The following CLEC16A variants were observed in gnomAD, a reference collection of about 807,000 sequenced individuals.
CLEC16A encodes the protein C-type lectin domain containing 16A.
A neutral mutation model predicts 109.5 loss-of-function variants in CLEC16A; 51 were observed. The ratio of observed to expected loss-of-function variants is 0.47; its 90% CI spans 0.37 to 0.59. CLEC16A has a LOEUF of 0.59. CLEC16A is among the 20% of genes least tolerant of loss of function. The probability of loss-of-function intolerance (pLI) is 0.00; values close to 1 mark genes in which losing one functional copy is unlikely to be tolerated. For synonymous variants in CLEC16A, 673 were observed against 564.2 expected (o/e 1.19, Z -2.73); for missense variants, 1,339 against 1,394.0 (o/e 0.96, Z 0.63).
intron 15 of CLEC16A, 80 bp downstream of exon 15, chr16:11,042,443 A>AT (rs2047390260): frequency 8.7e-7 from 1 of 1,146,406 alleles, no homozygotes; most frequent in Non-Finnish European, 1.3e-6. Flanking sequence ...TGGCATCCAG[A>AT]TAGGAGCCCT....
rs544817130 is a variant in CLEC16A, at chr16:11,174,307, G to A, written c.2807-4028G>A. 5.1e-4 allele frequency: 225 copies of A among 441,776 alleles called. 2 individuals are homozygous for A. Among genetic ancestry groups the A allele is most frequent in the African/African-American group, 3.8e-3 (189 of 49,810 alleles). The allele number at this position is 441,776 out of a possible 1,614,324, so 27.4% of individuals were successfully genotyped here. Reference sequence around the variant, plus strand: ...GTCTCCCCTGTGAGCCGCTCGGGCCGCGACGTCCACTCGCCACGCTGCATT... The same window carrying A: ...GTCTCCCCTGTGAGCCGCTCGGGCCACGACGTCCACTCGCCACGCTGCATT... On this transcript the variant is annotated intron_variant, in intron 23 of 23. Coordinates refer to ENST00000409790, the MANE Select transcript of CLEC16A (RefSeq NM_015226.3). This position sits in a 1 kb window ranked among gnomAD's most constrained non-coding sequence, Gnocchi z 4.7.
intron 15 of CLEC16A, among the ~76,000 whole-genome samples, chr16:11,043,757 C>T (rs549232965): frequency 1.3e-4 from 19 of 151,970 alleles, no homozygotes; most frequent in Non-Finnish European, 1.9e-4. Context: ...ACCAGCTACT[C>T]GGGAGGTTGA....
chr16:11,131,661 G>A (rs754801288), intron 22 of CLEC16A, among the ~76,000 whole-genome samples: 14 of 152,242 alleles, frequency 9.2e-5, no homozygotes, highest in South Asian at 4.1e-4. Context: ...ACCATCAACC[G>A]CTCCCCACCA....
chr16:11,089,293 G>C (rs187295009), intron 19 of CLEC16A, among the ~76,000 whole-genome samples: 3 of 152,142 alleles, frequency 2.0e-5, no homozygotes, highest in African/African-American at 7.2e-5. Flanking sequence ...GTTTTCCTGC[G>C]TCGGGACATC....
At chr16:11,026,265 T>C (rs1056704616) in intron 13 of CLEC16A, among the ~76,000 whole-genome samples, 2 of 152,212 alleles carry the variant, frequency 1.3e-5, no homozygotes, top group Admixed American at 1.3e-4. Context: ...AAATATTCCT[T>C]AAACCAGTGA....
rs375812913 is a variant in CLEC16A at position 11,126,087 on chromosome 16, G to A, written c.2582G>A (p.Arg861Gln). The change falls in exon 22 of 24, where the codon CGG becomes CAG. Residue 861 changes from arginine to glutamine, a missense_variant. Arg to Gln is a conservative substitution (Grantham distance 43, BLOSUM62 1). Transcript: ENST00000409790. ...TTCCGCTTCTACGACCAGGGGCGCC[G>A]GGGCAGCAGCGACCCCACAGTGCAG... ...LPFRFYDQGR[R>Q]GSSDPTVQRS... The A allele has an allele frequency of 1.0e-4, 164 of 1,613,864 alleles. No homozygotes were observed. The highest frequency in any genetic ancestry group is 1.6e-4 in the Middle Eastern group (1 of 6,062).
Position 11,063,616 on chromosome 16 carries a change from A to C in CLEC16A, c.2116+2594A>C, listed in dbSNP as rs72770097. 3.5e-3 allele frequency among the ~76,000 whole-genome samples: 534 copies of C among 152,184 alleles called. 3 individuals are homozygous for C. The highest frequency in any genetic ancestry group is 5.9e-3 in the Non-Finnish European group (399 of 67,984). On this transcript the variant is annotated intron_variant, in intron 19 of 23. Coordinates refer to ENST00000409790, the MANE Select transcript of CLEC16A (RefSeq NM_015226.3). ...TAAAGTGTATTCACTGCCCCTTGTCACACTTCAGTAAGAAACAACAGCGTA... is the reference window on the plus strand; with the variant it reads ...TAAAGTGTATTCACTGCCCCTTGTCCCACTTCAGTAAGAAACAACAGCGTA...
At chr16:11,048,850 CT>C (rs2047775506) in intron 17 of CLEC16A, among the ~76,000 whole-genome samples, 2 of 151,950 alleles carry the variant, frequency 1.3e-5, no homozygotes, top group African/African-American at 2.4e-5. Context: ...AGACATCCCC[CT>C]GCAATGTCAT....
chr16:11,010,538 T>C (rs111979546), intron 11 of CLEC16A, among the ~76,000 whole-genome samples: 1 of 152,176 alleles, frequency 6.6e-6, no homozygotes, highest in East Asian at 1.9e-4. Context: ...ACTTTCCTAT[T>C]GTATTTTCTC....
In CLEC16A at chr16:11,087,163, CCATT is replaced by C. The variant is rs1411312930; in HGVS notation, c.2116+26144_2116+26147del. ...ATAGAGGTTGAGATAAAATTAGAAACCATTCACGTAGGTGCCATCTAAAACCATC... is the reference window on the plus strand; with the variant it reads ...ATAGAGGTTGAGATAAAATTAGAAACCACGTAGGTGCCATCTAAAACCATC... On this transcript the variant is annotated intron_variant, in intron 19 of 23. Coordinates refer to ENST00000409790, the MANE Select transcript of CLEC16A (RefSeq NM_015226.3). Among the ~76,000 whole-genome samples, 17 of 152,326 alleles carry C rather than the reference CCATT, an allele frequency of 1.1e-4. No homozygotes were observed. The South Asian group carries it at 2.1e-3, about 19-fold the overall frequency.
At chr16:11,150,318 C>G (rs536567013) in intron 22 of CLEC16A, 1 of 152,226 alleles carries the variant, frequency 6.6e-6, no homozygotes, top group African/African-American at 2.4e-5. Context: ...TTCTGTATAC[C>G]CTGCTGCACC....
At chr16:11,016,881 A>T (rs749738618) in intron 11 of CLEC16A, among the ~76,000 whole-genome samples, 18 of 151,964 alleles carry the variant, frequency 1.2e-4, no homozygotes, top group Non-Finnish European at 2.2e-4. Flanking sequence ...CACCTGTGTG[A>T]TGGGGCCCGC....
At chr16:11,067,473 G>A (rs2048836018) in intron 19 of CLEC16A, among the ~76,000 whole-genome samples, 1 of 152,134 alleles carries the variant, frequency 6.6e-6, no homozygotes. Context: ...GGGGCCGATG[G>A]GGATTTGGGG....
chr16:10,949,713 G>A (rs999792014), intron 1 of CLEC16A, among the ~76,000 whole-genome samples: 4 of 152,340 alleles, frequency 2.6e-5, no homozygotes, highest in African/African-American at 9.6e-5. Context: ...CAGAAAGGCT[G>A]TGGTCTGGCT....
chr16:11,093,026 C>G (rs1597361906), intron 19 of CLEC16A, among the ~76,000 whole-genome samples: 1 of 152,306 alleles, frequency 6.6e-6, no homozygotes, highest in East Asian at 1.9e-4. Flanking sequence ...GAGGAGCATC[C>G]TTACCTGGGC....
chr16:10,982,795 C>A lies in CLEC16A; in HGVS notation c.958-83C>A, dbSNP rs932701481. The A allele has an allele frequency of 1.4e-5, 11 of 764,312 alleles. No individual in the cohort carries two copies. The African/African-American group carries it at 1.9e-4, about 13-fold the overall frequency. The allele number at this position is 764,312 out of a possible 1,614,324, so 47.3% of individuals were successfully genotyped here. ...TTAATACAGGACTTAGGTAGCCCAG[C>A]CTGGTCGCTTCTGATCCAGGAAGCA... On this transcript the variant is annotated intron_variant, in intron 9 of 23. Coordinates refer to ENST00000409790, the MANE Select transcript of CLEC16A (RefSeq NM_015226.3).
intron 9 of CLEC16A, among the ~76,000 whole-genome samples, chr16:10,980,140 T>G (rs539405393): frequency 6.3e-4 from 96 of 152,304 alleles, no homozygotes; most frequent in African/African-American, 2.3e-3. Context: ...TGAGGAACTG[T>G]CCTTCTGACT....
rs144051507 is a variant in CLEC16A at position 11,062,754 on chromosome 16, C to A, written c.2116+1732C>A. On this transcript the variant is annotated intron_variant, in intron 19 of 23. Transcript: ENST00000409790. ...GCTGTGACGCCTCTCTGCCTGCTGC[C>A]CAACTCCTTTGGCCCTTTTGCCCTT... Among the ~76,000 whole-genome samples the A allele has an allele frequency of 6.7e-3, 1,026 of 152,240 alleles. 18 individuals are homozygous for A. Among genetic ancestry groups the A allele is most frequent in the African/African-American group, 0.024 (978 of 41,536 alleles).
At chr16:11,058,387 C>T (rs116829993) in intron 18 of CLEC16A, among the ~76,000 whole-genome samples, 2,396 of 152,302 alleles carry the variant, frequency 0.016, 49 homozygotes, top group African/African-American at 0.055. Context: ...TGCACATCCT[C>T]CTGTAGACTT....
Sources: gnomAD v4.1 joint callset for allele counts (sites outside exome capture counted in the v4.1 genomes callset) on GRCh38, gnomAD v4.1.1 for gene constraint, Gnocchi (gnomAD v3.1) non-coding constraint, MANE v1.5 for transcripts, NCBI Gene and HGNC (gene_info 2026-07-23, HGNC 2026-07-21) for gene names.